The following DTNA variants were observed in gnomAD, a reference collection of about 807,000 sequenced individuals.
The protein encoded by DTNA is dystrobrevin alpha, also known as dystrophin-related protein 3.
In DTNA, 43 loss-of-function variants were observed where a neutral mutation model predicts 100.7. That is an observed-to-expected ratio of 0.43 (90% CI 0.33 to 0.55). The LOEUF (loss-of-function observed/expected upper bound fraction) is 0.55. DTNA is among the 20% of genes least tolerant of loss of function. The pLI, the probability that DTNA is intolerant of heterozygous loss-of-function variation, is 0.04. For missense variants in DTNA, 798 were observed against 953.9 expected (o/e 0.84, Z 2.15); for synonymous variants, 349 against 347.9 (o/e 1.00, Z -0.04).
At chr18:34,663,291 C>T (rs2075446818) in intron 1 of DTNA, among the ~76,000 whole-genome samples, 1 of 152,010 alleles carries the variant, frequency 6.6e-6, no homozygotes, top group African/African-American at 2.4e-5. Flanking sequence ...GTTTCTGGGA[C>T]TACATACAGG....
chr18:34,866,036 G>C (rs540027829), intron 17 of DTNA: 1 of 1,545,860 alleles, frequency 6.5e-7, no homozygotes, highest in Non-Finnish European at 8.9e-7. Context: ...CCCATCTTGC[G>C]TTCCTTCACA....
Position 34,562,987 on chromosome 18 carries a change from G to A in DTNA, c.-2+69473G>A, listed in dbSNP as rs541488338. 3.9e-5 allele frequency among the ~76,000 whole-genome samples: 6 copies of A among 152,344 alleles called. No individual in the cohort carries two copies. The South Asian group carries it at 1.0e-3, about 26-fold the overall frequency. ...AAGTTGTCCCTGAAAACTTTTGACT[G>A]TGGAGAATTTACCTAATGAGTTACG... On this transcript the variant is annotated intron_variant, in intron 1 of 19. Transcript: ENST00000283365.
intron 1 of DTNA, among the ~76,000 whole-genome samples, chr18:34,753,374 TTTTTTTTTATTTTTTA>T (rs1568412851): frequency 3.2e-5 from 3 of 94,396 alleles, no homozygotes; most frequent in African/African-American, 1.8e-4. Flanking sequence ...TTATTTTTTT[TTTTTTTTTATTTTTTA>T]TTTTTTTTTT....
intron 3 of DTNA, among the ~76,000 whole-genome samples, chr18:34,769,910 A>G (rs2093681480): frequency 6.6e-6 from 1 of 151,530 alleles, no homozygotes; most frequent in African/African-American, 2.4e-5. Flanking sequence ...TAGTACAGAC[A>G]GGGTTTCACC....
chr18:34,683,838 T>A (rs986821125), intron 1 of DTNA: 1 of 152,168 alleles, frequency 6.6e-6, no homozygotes, highest in Non-Finnish European at 1.5e-5. Flanking sequence ...TATAAAATTA[T>A]AATTTAAAAA....
chr18:34,651,835 G>A (rs1330172431), intron 1 of DTNA, among the ~76,000 whole-genome samples: 2 of 152,020 alleles, frequency 1.3e-5, no homozygotes, highest in African/African-American at 4.8e-5. Context: ...AGGCCGAGGT[G>A]GGAAGATTGC....
At chr18:34,560,829 T>C (rs1011608913) in intron 1 of DTNA, among the ~76,000 whole-genome samples, 1 of 152,070 alleles carries the variant, frequency 6.6e-6, no homozygotes, top group Non-Finnish European at 1.5e-5. Flanking sequence ...GGCTGAGGCA[T>C]GAAAATCGCT....
chr18:34,715,705 A>T (rs986579311), intron 1 of DTNA, among the ~76,000 whole-genome samples: 49 of 152,240 alleles, frequency 3.2e-4, no homozygotes, highest in African/African-American at 1.1e-3. Context: ...GACAAAAATC[A>T]TAAAGGAATG....
intron 2 of DTNA, among the ~76,000 whole-genome samples, chr18:34,762,286 G>T (rs1404019626): frequency 6.6e-6 from 1 of 152,178 alleles, no homozygotes; most frequent in Admixed American, 6.5e-5. Context: ...AAAGCTGTTG[G>T]ACTGTGCATG....
At chr18:34,497,860 T>C (rs1323985412) in intron 1 of DTNA, among the ~76,000 whole-genome samples, 1 of 152,314 alleles carries the variant, frequency 6.6e-6, no homozygotes, top group East Asian at 1.9e-4. Flanking sequence ...TCAAAAATGG[T>C]AAATTGAGCA....
At chr18:34,521,808 T>G (rs1171275776) in intron 1 of DTNA, among the ~76,000 whole-genome samples, 3 of 152,182 alleles carry the variant, frequency 2.0e-5, no homozygotes, top group Non-Finnish European at 2.9e-5. Context: ...TGTCCCTCTT[T>G]ATCCACTTTT....
At chr18:34,520,900 C>T (rs918726748) in intron 1 of DTNA, among the ~76,000 whole-genome samples, 7 of 152,172 alleles carry the variant, frequency 4.6e-5, no homozygotes, top group African/African-American at 1.2e-4. Context: ...CTGAGTCCCC[C>T]GGCTCCCATA....
Position 34,572,295 on chromosome 18 carries a change from T to G in DTNA, c.-2+78781T>G, listed in dbSNP as rs955383373. Among the ~76,000 whole-genome samples the G allele has an allele frequency of 6.6e-5, 10 of 152,286 alleles. No homozygotes were observed. In the East Asian group the frequency reaches 1.9e-3, roughly 29 times the overall value. On this transcript the variant is annotated intron_variant, in intron 1 of 19. Coordinates refer to the DTNA transcript ENST00000283365. ...TGTTTTTCTTACCTTTCTCAGACTT[T>G]CCACTGTTGTAGAAAATGTGTATTA...
intron 14 of DTNA, 130 bp from the exon 15 acceptor site, chr18:34,851,701 T>G (rs2096481578): frequency 9.7e-7 from 1 of 1,032,024 alleles, no homozygotes; most frequent in South Asian, 1.4e-5. Flanking sequence ...TTGAATTTTA[T>G]GTATTTGCTT....
chr18:34,619,411 A>C (rs556860889), intron 1 of DTNA, among the ~76,000 whole-genome samples: 6 of 152,344 alleles, frequency 3.9e-5, no homozygotes, highest in South Asian at 4.1e-4. Context: ...ACCAGGAAGA[A>C]TAGCAAAGAA....
At chr18:34,550,313 C>T (rs1601735386) in intron 1 of DTNA, among the ~76,000 whole-genome samples, 1 of 152,078 alleles carries the variant, frequency 6.6e-6, no homozygotes, top group South Asian at 2.1e-4. Context: ...GCAGAGTACT[C>T]CTGAGTCCAC....
At chr18:34,852,663 C>T (rs924991554) in intron 15 of DTNA, among the ~76,000 whole-genome samples, 2 of 152,206 alleles carry the variant, frequency 1.3e-5, no homozygotes, top group African/African-American at 2.4e-5. Flanking sequence ...CCTCAGCTCA[C>T]CTTGCTCAGC....
intron 1 of DTNA, among the ~76,000 whole-genome samples, chr18:34,659,769 T>C (rs1255626704): frequency 6.6e-6 from 1 of 152,168 alleles, no homozygotes; most frequent in African/African-American, 2.4e-5. Context: ...GAGCCTGTTA[T>C]CTTGCGCATT....
chr18:34,517,908 A>G (rs993214978), intron 1 of DTNA, among the ~76,000 whole-genome samples: 2 of 152,150 alleles, frequency 1.3e-5, no homozygotes, highest in African/African-American at 4.8e-5. Context: ...TATGCTATGA[A>G]CATCTGTGAA....
Sources: allele counts gnomAD v4.1 joint callset (sites outside exome capture counted in the v4.1 genomes callset), GRCh38; gene constraint gnomAD v4.1.1; transcripts MANE v1.5; gene names NCBI Gene and HGNC (gene_info 2026-07-23, HGNC 2026-07-21).